The following SOX5 variants were observed in gnomAD, a reference collection of about 807,000 sequenced individuals.
SOX5 encodes the protein transcription factor SOX-5.
A neutral mutation model predicts 92.0 loss-of-function variants in SOX5; 9 were observed. That is an observed-to-expected ratio of 0.10 (90% CI 0.06 to 0.17). The LOEUF is 0.17. Ranked by LOEUF, SOX5 falls within the 10% of genes least tolerant of loss-of-function variation. The probability of loss-of-function intolerance (pLI) is 1.00; values close to 1 mark genes in which losing one functional copy is unlikely to be tolerated. For missense variants in SOX5, 642 were observed against 944.5 expected (o/e 0.68, Z 4.20); for synonymous variants, 344 against 336.3 (o/e 1.02, Z -0.25).
chr12:23,991,788 G>A (rs577944494), intron 4 of SOX5, among the ~76,000 whole-genome samples: 3 of 150,624 alleles, frequency 2.0e-5, no homozygotes, highest in African/African-American at 7.3e-5. Context: ...TATGCAGTAC[G>A]AGTACTGAAA....
chr12:24,211,294 T>A (rs1244027862), intron 4 of SOX5, among the ~76,000 whole-genome samples: 1 of 152,226 alleles, frequency 6.6e-6, no homozygotes, highest in Non-Finnish European at 1.5e-5. Context: ...TATCTCTGCT[T>A]TATTTTTCTT....
intron 4 of SOX5, among the ~76,000 whole-genome samples, chr12:24,002,898 C>T (rs1403354011): frequency 3.3e-5 from 5 of 149,444 alleles, no homozygotes; most frequent in Admixed American, 1.4e-4. Flanking sequence ...TACAAATATT[C>T]ATCATGTATA....
intron 6 of SOX5, among the ~76,000 whole-genome samples, chr12:23,667,671 A>T (rs1311121804): frequency 6.6e-6 from 1 of 152,168 alleles, no homozygotes; most frequent in Non-Finnish European, 1.5e-5. Flanking sequence ...CAATCTAGTG[A>T]GGGGAAGTAG....
At chr12:24,375,957 T>C (rs1351072226) in intron 1 of SOX5, among the ~76,000 whole-genome samples, 1 of 152,108 alleles carries the variant, frequency 6.6e-6, no homozygotes, top group Non-Finnish European at 1.5e-5. Context: ...TCCCATGCTA[T>C]TGAAAATTAC....
intron 3 of SOX5, among the ~76,000 whole-genome samples, chr12:24,260,747 A>T (rs1941971364): frequency 6.6e-6 from 1 of 152,194 alleles, no homozygotes; most frequent in Non-Finnish European, 1.5e-5. Context: ...AAGTGCTGAA[A>T]TTCTAAGTGA....
intron 1 of SOX5, among the ~76,000 whole-genome samples, chr12:24,539,194 C>G (rs1951901605): frequency 1.3e-5 from 2 of 151,322 alleles, no homozygotes. Flanking sequence ...TAGTTTGGAA[C>G]AAGTCCTACA....
At chr12:24,007,286 T>C (rs1393472058) in intron 4 of SOX5, among the ~76,000 whole-genome samples, 2 of 22 alleles carry the variant, frequency 0.091, 1 homozygote, top group Non-Finnish European at 0.33. Context: ...TATATAAATG[T>C]ATTTATATAT....
At chr12:24,424,294 G>A (rs1024094399) in intron 1 of SOX5, among the ~76,000 whole-genome samples, 1 of 152,144 alleles carries the variant, frequency 6.6e-6, no homozygotes, top group Non-Finnish European at 1.5e-5. Context: ...ATTATCGTAA[G>A]ATTAGGTGAC....
At chr12:24,430,070 T>C (rs1724221446) in intron 1 of SOX5, among the ~76,000 whole-genome samples, 1 of 152,210 alleles carries the variant, frequency 6.6e-6, no homozygotes. Flanking sequence ...TAATCACTTT[T>C]GAAAATCTTA....
At chr12:24,327,353 G>C (rs1950813937) in intron 2 of SOX5, among the ~76,000 whole-genome samples, 1 of 138,122 alleles carries the variant, frequency 7.2e-6, no homozygotes, top group Non-Finnish European at 1.5e-5. Flanking sequence ...CAGGTGCACA[G>C]AAGCAGAAAT....
chr12:24,396,494 G>A (rs993758390), intron 1 of SOX5, among the ~76,000 whole-genome samples: 24 of 152,224 alleles, frequency 1.6e-4, no homozygotes, highest in Non-Finnish European at 2.9e-4. Flanking sequence ...AGAGCTGCCC[G>A]GTTCCCATTG....
chr12:23,571,231 C>T (rs1302609494), intron 10 of SOX5, among the ~76,000 whole-genome samples: 2 of 151,668 alleles, frequency 1.3e-5, no homozygotes, highest in Non-Finnish European at 2.9e-5. Flanking sequence ...TCCTTTAAGT[C>T]ATCGTGTCTT....
intron 7 of SOX5, among the ~76,000 whole-genome samples, chr12:23,650,888 T>C (rs541327347): frequency 7.9e-5 from 12 of 152,180 alleles, no homozygotes; most frequent in African/African-American, 2.9e-4. Flanking sequence ...TGGCAAGGCA[T>C]AGAACGATTG....
intron 8 of SOX5, among the ~76,000 whole-genome samples, chr12:23,605,154 T>C (rs1449606329): frequency 2.6e-5 from 4 of 152,112 alleles, no homozygotes; most frequent in Admixed American, 2.0e-4. Context: ...TCTCAAATTA[T>C]CTTGACGACT....
intron 4 of SOX5, among the ~76,000 whole-genome samples, chr12:24,018,399 T>A (rs903417341): frequency 6.6e-6 from 1 of 152,216 alleles, no homozygotes; most frequent in Admixed American, 6.5e-5. Flanking sequence ...TTCAAAGTCC[T>A]AATTGTGATG....
At chr12:24,487,087 T>C (rs917794434) in intron 1 of SOX5, among the ~76,000 whole-genome samples, 2 of 152,198 alleles carry the variant, frequency 1.3e-5, no homozygotes, top group African/African-American at 4.8e-5. Context: ...TTCACTATTA[T>C]ATCAATCCAC....
intron 6 of SOX5, among the ~76,000 whole-genome samples, chr12:23,714,225 A>G (rs1593563155): frequency 6.6e-6 from 1 of 152,326 alleles, no homozygotes; most frequent in East Asian, 1.9e-4. Flanking sequence ...ATAGTTATCT[A>G]AAATTTATCT....
chr12:24,520,469 A>G (rs1950170207), intron 1 of SOX5, among the ~76,000 whole-genome samples: 1 of 151,712 alleles, frequency 6.6e-6, no homozygotes. Flanking sequence ...TACAAAGAAA[A>G]AAAATCTATA....
At chr12:24,064,209 A>G (rs1039871456) in intron 4 of SOX5, among the ~76,000 whole-genome samples, 3 of 152,194 alleles carry the variant, frequency 2.0e-5, no homozygotes, top group African/African-American at 7.2e-5. Flanking sequence ...AAACTCTCCA[A>G]CACTGGTGCT....
Sources: allele counts gnomAD v4.1 joint callset (sites outside exome capture counted in the v4.1 genomes callset), GRCh38; gene constraint gnomAD v4.1.1; transcripts MANE v1.5; gene names NCBI Gene and HGNC (gene_info 2026-07-23, HGNC 2026-07-21).